IGSF9B: variants seen among roughly 807,000 people sequenced by gnomAD.
IGSF9B encodes protein turtle homolog B.
IGSF9B carries 48 observed loss-of-function variants against 143.7 expected under a neutral mutation model. The observed-to-expected ratio is 0.33, with a 90% confidence interval of 0.26 to 0.42. The LOEUF (loss-of-function observed/expected upper bound fraction) is 0.42. Among genes scored for constraint, IGSF9B ranks in the 20% least tolerant of loss-of-function variants. IGSF9B has a pLI of 1.00. For missense variants in IGSF9B, 1,706 were observed against 1,980.0 expected, an observed-to-expected ratio of 0.86 and a Z score of 2.63; for synonymous variants, 903 against 833.1, an observed-to-expected ratio of 1.08 and a Z score of -1.44.
chr11:133,946,424 C>G (rs1940053831), intron 1 of IGSF9B, 166 bp from the exon 2 acceptor site: 2 of 620,468 alleles, frequency 3.2e-6, no homozygotes, highest in South Asian at 3.8e-5. Context: ...TCCCTCTCCC[C>G]CTCGCTGCTC....
At chr11:133,949,451 A>G (rs905061750) in intron 1 of IGSF9B, among the ~76,000 whole-genome samples, 11 of 152,314 alleles carry the variant, frequency 7.2e-5, no homozygotes, top group East Asian at 3.9e-4. Flanking sequence ...AAAGCTCAAT[A>G]TGAAAAAAAG....
intron 1 of IGSF9B, among the ~76,000 whole-genome samples, chr11:133,950,501 CG>C (rs1039317194): frequency 2.6e-5 from 4 of 152,196 alleles, no homozygotes; most frequent in Non-Finnish European, 4.4e-5. Flanking sequence ...GCCCGATGCA[CG>C]GATGGTGTCC....
chr11:133,910,817 A>G (rs992443557), intron 19 of IGSF9B, among the ~76,000 whole-genome samples: 2 of 152,214 alleles, frequency 1.3e-5, no homozygotes, highest in African/African-American at 4.8e-5. Flanking sequence ...TATGTTATAC[A>G]TATATAAAAA....
In IGSF9B at chr11:133,898,313, G is replaced by A. The variant is rs1243013496; in HGVS notation, c.*10756C>T. ...GCTGCCGCGCACCGAGAGGTACAGA[G>A]TTTGTAAGGGGTCTGGGGGAGGTAG... On this transcript the variant is annotated 3_prime_UTR_variant, in exon 20 of 20. Transcript: ENST00000533871. 3 of 152,366 alleles carry A rather than the reference G, an allele frequency of 2.0e-5. No homozygotes were observed. The highest frequency in any genetic ancestry group is 7.2e-5 in the African/African-American group (3 of 41,438). The allele number at this position is 152,366 out of a possible 1,614,324, so 9.4% of individuals were successfully genotyped here. A position where few individuals can be genotyped will look rare whatever the true frequency, so the allele number is the denominator to read the frequency against.
At chr11:133,947,140 A>G (rs956992526) in intron 1 of IGSF9B, among the ~76,000 whole-genome samples, 1 of 150,884 alleles carries the variant, frequency 6.6e-6, no homozygotes, top group African/African-American at 2.4e-5. Flanking sequence ...CGGGAGGACC[A>G]CCCCTGCCTC....
intron 19 of IGSF9B, among the ~76,000 whole-genome samples, chr11:133,910,182 G>C (rs1044697829): frequency 6.6e-6 from 1 of 152,176 alleles, no homozygotes; most frequent in Non-Finnish European, 1.5e-5. Flanking sequence ...GTTTTAATCA[G>C]AAGTGTGTGT....
intron 12 of IGSF9B, among the ~76,000 whole-genome samples, chr11:133,927,509 C>A (rs2121303817): frequency 6.6e-6 from 1 of 152,318 alleles, no homozygotes; most frequent in South Asian, 2.1e-4. Flanking sequence ...TGGCTGCACA[C>A]ACCCCCAGGG....
chr11:133,951,152 C>A, intron 1 of IGSF9B, among the ~76,000 whole-genome samples: 1 of 152,108 alleles, frequency 6.6e-6, no homozygotes, highest in South Asian at 2.1e-4. Context: ...CAAAGCACAG[C>A]GAACACCCAG....
chr11:133,938,634 G>A (rs1477426055), intron 3 of IGSF9B, among the ~76,000 whole-genome samples: 2 of 152,158 alleles, frequency 1.3e-5, no homozygotes, highest in African/African-American at 4.8e-5. Context: ...CCATTTGCCT[G>A]AGCTGCTTGT....
Position 133,913,628 on chromosome 11 carries a change from G to C in IGSF9B, c.3984-1621C>G, listed in dbSNP as rs1411672958. ...AAGAAGGCTACACAGGGTCCCTCAG[G>C]TGCACACACAGGCACACACAGCCCT... On this transcript the variant is annotated intron_variant, in intron 18 of 19. Transcript: ENST00000533871. This position sits in a 1 kb window ranked among gnomAD's most constrained non-coding sequence, Gnocchi z 4.6. 1.3e-5 allele frequency among the ~76,000 whole-genome samples: 2 copies of C among 152,172 alleles called. No individual in the cohort carries two copies. The highest frequency in any genetic ancestry group is 1.5e-5 in the Non-Finnish European group (1 of 68,036).
In IGSF9B at chr11:133,909,741, C is replaced by T. The variant is rs1939271945; in HGVS notation, c.4106-464G>A. 6.6e-6 allele frequency among the ~76,000 whole-genome samples: 1 copy of T among 152,208 alleles called. No individual in the cohort carries two copies. The highest frequency in any genetic ancestry group is 6.5e-5 in the Admixed American group (1 of 15,276). On this transcript the variant is annotated intron_variant, in intron 19 of 19. Coordinates refer to ENST00000533871, the MANE Select transcript of IGSF9B (RefSeq NM_001277285.4). The surrounding 1 kb of genome is among the most constrained non-coding windows in gnomAD (Gnocchi z 4.2). Reference sequence around the variant, plus strand: ...CCCTTCCTGGACTGCCTGGGCCTCTCCTCTGCCTCATGGCCCTTCTGGAGA... The same window carrying T: ...CCCTTCCTGGACTGCCTGGGCCTCTTCTCTGCCTCATGGCCCTTCTGGAGA...
At chr11:133,943,617 C>T (rs916404875) in intron 3 of IGSF9B, among the ~76,000 whole-genome samples, 35 of 152,270 alleles carry the variant, frequency 2.3e-4, no homozygotes, top group African/African-American at 6.7e-4. Context: ...TAATAACTGA[C>T]GCCCATTAAA....
chr11:133,937,637 C>T lies in IGSF9B; in HGVS notation c.562-144G>A, dbSNP rs999374549. 2.4e-5 allele frequency: 25 copies of T among 1,029,338 alleles called. 1 individual carries two copies. The highest frequency in any genetic ancestry group is 2.7e-5 in the Non-Finnish European group (19 of 704,930). The allele number at this position is 1,029,338 out of a possible 1,614,324, so 63.8% of individuals were successfully genotyped here. ...CTGGGGGACACGAAGGGCAGGTGCC[C>T]CCTTGCCCATCTCCCGCCAGCGACA... On this transcript the variant is annotated intron_variant, in intron 4 of 19. Coordinates refer to ENST00000533871, the MANE Select transcript of IGSF9B (RefSeq NM_001277285.4).
At position 133,951,826 on chromosome 11, in the gene IGSF9B, T is replaced by C. The variant is rs1255670677; in HGVS notation, c.64+4865A>G. ...CAGGAGGCTGGGCTCCGTGGTAAGA[T>C]GCCAGATAGAGGCAGTAAGTCCGTG... On this transcript the variant is annotated intron_variant, in intron 1 of 19. Coordinates refer to ENST00000533871, the MANE Select transcript of IGSF9B (RefSeq NM_001277285.4). 1.5e-5 allele frequency: 3 copies of C among 203,076 alleles called. No homozygotes were observed. The East Asian group carries it at 4.3e-4, about 29-fold the overall frequency. The allele number at this position is 203,076 out of a possible 1,614,324, so 12.6% of individuals were successfully genotyped here. A position where few individuals can be genotyped will look rare whatever the true frequency, so the allele number is the denominator to read the frequency against.
chr11:133,952,644 A>G (rs969957011), intron 1 of IGSF9B, among the ~76,000 whole-genome samples: 1 of 149,136 alleles, frequency 6.7e-6, no homozygotes, highest in African/African-American at 2.6e-5. Context: ...GTATGGGCAC[A>G]TGTGCACACA....
chr11:133,949,328 G>A (rs994249212), intron 1 of IGSF9B, among the ~76,000 whole-genome samples: 5 of 151,982 alleles, frequency 3.3e-5, no homozygotes, highest in African/African-American at 7.2e-5. Context: ...ACACACATGC[G>A]CACGCACACA....
intron 7 of IGSF9B, among the ~76,000 whole-genome samples, chr11:133,934,153 G>A (rs1049429961): frequency 1.3e-5 from 2 of 152,160 alleles, no homozygotes; most frequent in African/African-American, 2.4e-5. Context: ...GGGAGTGGGT[G>A]GTGACGCTGG....
chr11:133,921,590 A>G (rs1046769088), intron 17 of IGSF9B, among the ~76,000 whole-genome samples, 193 bp from the exon 18 acceptor site: 4 of 151,812 alleles, frequency 2.6e-5, no homozygotes, highest in Admixed American at 2.0e-4. Context: ...TTTTTTAAAG[A>G]CGGGGTCTTG....
chr11:133,956,341 T>C (rs1940251852), intron 1 of IGSF9B, among the ~76,000 whole-genome samples: 1 of 152,122 alleles, frequency 6.6e-6, no homozygotes, highest in African/African-American at 2.4e-5. Context: ...CCCGCAGCTC[T>C]GGGAGGCGGC....
Sources: allele counts gnomAD v4.1 joint callset (sites outside exome capture counted in the v4.1 genomes callset), GRCh38; gene constraint gnomAD v4.1.1; non-coding constraint Gnocchi (gnomAD v3.1); transcripts MANE v1.5; gene names NCBI Gene and HGNC (gene_info 2026-07-23, HGNC 2026-07-21).